The following GCSAML variants were observed in gnomAD, a reference collection of about 807,000 sequenced individuals.
GCSAML encodes the protein germinal center-associated signaling and motility-like protein.
A neutral mutation model predicts 13.0 loss-of-function variants in GCSAML; 9 were observed. That is an observed-to-expected ratio of 0.69 (90% CI 0.42 to 1.21). The LOEUF is 1.21. GCSAML is among the 50% of genes most tolerant of loss of function. The pLI is 0.00. For synonymous variants in GCSAML, 37 were observed against 52.9 expected, an observed-to-expected ratio of 0.70 and a Z score of 1.31; for missense variants, 143 against 153.4, an observed-to-expected ratio of 0.93 and a Z score of 0.36.
chr1:247,566,988 TA>T (rs1225200344), intron 4 of GCSAML, among the ~76,000 whole-genome samples: 1 of 151,874 alleles, frequency 6.6e-6, no homozygotes, highest in East Asian at 1.9e-4. Flanking sequence ...GTTAGAGGCA[TA>T]ATAGCATCCT....
intron 2 of GCSAML, chr1:247,532,486 G>A (rs1223411443): frequency 6.2e-7 from 1 of 1,614,036 alleles, no homozygotes; most frequent in Non-Finnish European, 8.5e-7. Flanking sequence ...GACTTCTGGA[G>A]AACTCACATT....
At chr1:247,550,143 G>C (rs955795593) in intron 1 of GCSAML, among the ~76,000 whole-genome samples, 43 of 152,244 alleles carry the variant, frequency 2.8e-4, no homozygotes, top group African/African-American at 8.7e-4. Flanking sequence ...CCTTACTTAC[G>C]GGTATGGGGC....
chr1:247,531,919 A>G (rs1338460690), intron 2 of GCSAML: 2 of 1,614,152 alleles, frequency 1.2e-6, no homozygotes, highest in Non-Finnish European at 8.5e-7. Flanking sequence ...GTACATCTCC[A>G]TCTCATTGAG....
chr1:247,563,768 A>G lies in GCSAML; in HGVS notation c.139+129A>G, dbSNP rs143019925. 8.9e-4 allele frequency: 441 copies of G among 493,324 alleles called. 4 individuals carry two copies. In the East Asian group the frequency reaches 0.014, roughly 16 times the overall value. 30.6% of individuals were successfully genotyped at this position (493,324 alleles called of 1,614,324 possible). A position where few individuals can be genotyped will look rare whatever the true frequency, so the allele number is the denominator to read the frequency against. On this transcript the variant is annotated intron_variant, in intron 3 of 4. Coordinates refer to ENST00000366488, the MANE Select transcript of GCSAML (RefSeq NM_145278.5). ...GGCTGCTTGGAGTTCTTACTCTTTC[A>G]TAAAACTGATCACATCATTCTTGGT...
intron 2 of GCSAML, chr1:247,538,644 A>G (rs1381540457): frequency 4.7e-6 from 2 of 427,290 alleles, no homozygotes; most frequent in Non-Finnish European, 9.4e-6. Context: ...CTCCCTGCCT[A>G]CCCCAGTCTC....
chr1:247,531,971 C>A (rs200581250), intron 2 of GCSAML: 1 of 1,614,068 alleles, frequency 6.2e-7, no homozygotes, highest in Admixed American at 1.7e-5. Context: ...AGGGGCATCT[C>A]GCAAAAGAAG....
intron 1 of GCSAML, among the ~76,000 whole-genome samples, chr1:247,509,135 T>C (rs1665925780): frequency 1.3e-5 from 2 of 152,242 alleles, no homozygotes; most frequent in South Asian, 2.1e-4. Context: ...TTCCTATCCA[T>C]GAGCATGGGA....
intron 1 of GCSAML, among the ~76,000 whole-genome samples, chr1:247,524,131 C>G (rs1340244276): frequency 1.3e-5 from 2 of 152,106 alleles, no homozygotes; most frequent in Non-Finnish European, 2.9e-5. Context: ...CTAAGCATAA[C>G]TCCAAGCATG....
At chr1:247,546,571 C>T (rs1289883503), upstream of GCSAML, among the ~76,000 whole-genome samples, 1 of 151,884 alleles carries the variant, frequency 6.6e-6, no homozygotes, top group African/African-American at 2.4e-5. Flanking sequence ...CTGTGTTAGC[C>T]AGGATGGTCT....
chr1:247,554,926 A>G (rs1667901065), intron 1 of GCSAML, among the ~76,000 whole-genome samples: 1 of 152,196 alleles, frequency 6.6e-6, no homozygotes, highest in Non-Finnish European at 1.5e-5. Context: ...GCCAAGATAC[A>G]TCTAAAGCTT....
Position 247,577,267 on chromosome 1 carries a change from G to A in GCSAML, c.*2885G>A, listed in dbSNP as rs73150488. 3 of 152,124 alleles carry A rather than the reference G, an allele frequency of 2.0e-5. No individual in the cohort carries two copies. The allele number at this position is 152,124 out of a possible 1,614,324, so 9.4% of individuals were successfully genotyped here. ...TTATATACAAGAAAATGTAACCACT[G>A]TAAGGGTAGAGTTATAAGAATTTTG... On this transcript the variant is annotated 3_prime_UTR_variant, in exon 5 of 5. Transcript: ENST00000366488.
intron 4 of GCSAML, among the ~76,000 whole-genome samples, chr1:247,568,801 A>G (rs1346833338): frequency 1.3e-5 from 2 of 152,120 alleles, no homozygotes; most frequent in Non-Finnish European, 1.5e-5. Flanking sequence ...GATTCTTCCT[A>G]TCCATGAGCA....
intron 2 of GCSAML, chr1:247,528,878 GC>G (rs1220234177): frequency 1.3e-5 from 2 of 152,236 alleles, no homozygotes; most frequent in East Asian, 3.9e-4. Context: ...TGACATAAAT[GC>G]CCATGAGAGG....
At position 247,526,297 on chromosome 1, in the gene GCSAML, T is replaced by A. The variant is rs1666680180; in HGVS notation, c.-262-643T>A. The A allele has an allele frequency of 6.6e-6, 1 of 152,206 alleles. No individual in the cohort carries two copies. Among genetic ancestry groups the A allele is most frequent in the African/African-American group, 2.4e-5 (1 of 41,448 alleles). 9.4% of individuals were successfully genotyped at this position (152,206 alleles called of 1,614,324 possible). On this transcript the variant is annotated intron_variant, in intron 1 of 5. Coordinates refer to the GCSAML transcript ENST00000366489. This position sits in a 1 kb window ranked among gnomAD's most constrained non-coding sequence, Gnocchi z 4.8. ...AATTTTTAAAGTTTATATTTTTTACTCTATCTGGCTCATAATACCTGACCT... is the reference window on the plus strand; with the variant it reads ...AATTTTTAAAGTTTATATTTTTTACACTATCTGGCTCATAATACCTGACCT...
At chr1:247,535,033 C>T (rs76840780) in intron 2 of GCSAML, among the ~76,000 whole-genome samples, 2,004 of 152,104 alleles carry the variant, frequency 0.013, 37 homozygotes, top group African/African-American at 0.042. Flanking sequence ...GGAGGCAAGC[C>T]GGGGGCGGTG....
At chr1:247,570,978 C>T (rs1042459845) in intron 4 of GCSAML, among the ~76,000 whole-genome samples, 3 of 152,134 alleles carry the variant, frequency 2.0e-5, no homozygotes, top group Admixed American at 2.0e-4. Context: ...TTCTTTGTCT[C>T]TTTTGATCTT....
chr1:247,550,970 G>T (rs1320620030), intron 1 of GCSAML, among the ~76,000 whole-genome samples: 1 of 152,154 alleles, frequency 6.6e-6, no homozygotes, highest in African/African-American at 2.4e-5. Context: ...TAAAAAAATA[G>T]ACATTACGTG....
At chr1:247,529,352 T>TA (rs1303760771) in intron 2 of GCSAML, 3 of 152,224 alleles carry the variant, frequency 2.0e-5, no homozygotes, top group African/African-American at 7.2e-5. Context: ...TCATACTTCA[T>TA]ACCTCAATAT....
At chr1:247,522,256 GCAGCCCCCACCCGGC>G (rs1666467954) in intron 1 of GCSAML, among the ~76,000 whole-genome samples, 1 of 121,046 alleles carries the variant, frequency 8.3e-6, no homozygotes, top group African/African-American at 3.1e-5. Context: ...GAGGTGGGGG[GCAGCCCCCACCCGGC>G]TAGCCGCCCT....
Sources: allele counts gnomAD v4.1 joint callset (sites outside exome capture counted in the v4.1 genomes callset), GRCh38; gene constraint gnomAD v4.1.1; non-coding constraint Gnocchi (gnomAD v3.1); transcripts MANE v1.5; gene names NCBI Gene and HGNC (gene_info 2026-07-23, HGNC 2026-07-21).